The following ALDH5A1 variants were observed in gnomAD, a reference collection of about 807,000 sequenced individuals.
The protein encoded by ALDH5A1 is succinate-semialdehyde dehydrogenase, mitochondrial.
Under a neutral mutation model 54.7 loss-of-function variants are expected in ALDH5A1, and 33 were observed. The ratio of observed to expected loss-of-function variants is 0.60; its 90% CI spans 0.46 to 0.81. The LOEUF (loss-of-function observed/expected upper bound fraction) is 0.81, where lower values mean the gene tolerates loss of function less well. Among genes scored for constraint, ALDH5A1 ranks in the 30% least tolerant of loss-of-function variants. The probability of loss-of-function intolerance (pLI) is 0.00; values close to 1 mark genes in which losing one functional copy is unlikely to be tolerated. For missense variants in ALDH5A1, 657 were observed against 711.0 expected (o/e 0.92, Z 0.86); for synonymous variants, 294 against 292.7 (o/e 1.00, Z -0.05).
Position 24,497,360 on chromosome 6 carries a change from T to C in ALDH5A1, c.354+2010T>C, listed in dbSNP as rs111652406. 5.0e-3 allele frequency among the ~76,000 whole-genome samples: 742 copies of C among 147,234 alleles called. 6 individuals are homozygous for C. Among genetic ancestry groups the C allele is most frequent in the African/African-American group, 0.019 (704 of 37,010 alleles). On this transcript the variant is annotated intron_variant, in intron 1 of 9. Transcript: ENST00000357578. Reference sequence around the variant, plus strand: ...GCTGATTGGTGCATTTTACAGAGCGTTGATTGGTGTATTTTACAATCCTCT... The same window carrying C: ...GCTGATTGGTGCATTTTACAGAGCGCTGATTGGTGTATTTTACAATCCTCT...
At chr6:24,501,913 G>GT (rs1561868963) in intron 1 of ALDH5A1, among the ~76,000 whole-genome samples, 16 of 147,568 alleles carry the variant, frequency 1.1e-4, no homozygotes, top group African/African-American at 3.8e-4. Context: ...GTGTGTGTGT[G>GT]GGTGTATATA....
chr6:24,505,800 C>T (rs1197944517), intron 4 of ALDH5A1, among the ~76,000 whole-genome samples: 1 of 152,036 alleles, frequency 6.6e-6, no homozygotes, highest in East Asian at 1.9e-4. Flanking sequence ...GAAACCCTGT[C>T]TCTACTAAAA....
At chr6:24,531,167 A>C (rs1310090310) in intron 8 of ALDH5A1, among the ~76,000 whole-genome samples, 1 of 152,186 alleles carries the variant, frequency 6.6e-6, no homozygotes, top group Non-Finnish European at 1.5e-5. Flanking sequence ...CAGGACCAGA[A>C]ATCTTTCTTA....
At chr6:24,497,448 T>C (rs1581803255) in intron 1 of ALDH5A1, among the ~76,000 whole-genome samples, 4 of 148,304 alleles carry the variant, frequency 2.7e-5, no homozygotes, top group African/African-American at 7.3e-5. Context: ...CATTTTACAA[T>C]CTCCTTGGTA....
At chr6:24,528,940 G>A (rs996882906) in intron 8 of ALDH5A1, among the ~76,000 whole-genome samples, 1 of 151,956 alleles carries the variant, frequency 6.6e-6, no homozygotes, top group African/African-American at 2.4e-5. Flanking sequence ...GCCTCCCAAA[G>A]TGCTGAGATC....
intron 1 of ALDH5A1, 31 bp from the exon 2 acceptor site, chr6:24,502,492 T>G: frequency 1.3e-6 from 2 of 1,508,288 alleles, no homozygotes; most frequent in South Asian, 2.3e-5. Context: ...TGGCATTTTA[T>G]TACTTTTCTG....
chr6:24,504,734 C>T (rs1387001856), intron 3 of ALDH5A1, 135 bp from the exon 4 acceptor site: 2 of 862,724 alleles, frequency 2.3e-6, no homozygotes, highest in Non-Finnish European at 4.0e-6. Context: ...GTTCTGAGAG[C>T]TCACCTGTGC....
rs1470427219 is a variant in ALDH5A1 at position 24,509,713 on chromosome 6, C to T, written c.726+4728C>T. On this transcript the variant is annotated intron_variant, in intron 4 of 9. Transcript: ENST00000357578. The surrounding 1 kb of genome is among the most constrained non-coding windows in gnomAD (Gnocchi z 4.7). ...TGAGATTATTTGGATTTTCTCTCTTCTCTTCTAATGGTCTATCAATTTTAT... is the reference window on the plus strand; with the variant it reads ...TGAGATTATTTGGATTTTCTCTCTTTTCTTCTAATGGTCTATCAATTTTAT... Among the ~76,000 whole-genome samples the T allele has an allele frequency of 6.6e-6, 1 of 152,056 alleles. No individual in the cohort carries two copies. Among genetic ancestry groups the T allele is most frequent in the East Asian group, 1.9e-4 (1 of 5,180 alleles).
At position 24,514,955 on chromosome 6, in the gene ALDH5A1, A is replaced by T. The variant is rs182384464; in HGVS notation, c.727-212A>T. Reference sequence around the variant, plus strand: ...GTCCGGTAGAAATTTTATTGTAATGATCTTTAACAACCCATTAATATTAAC... The same window carrying T: ...GTCCGGTAGAAATTTTATTGTAATGTTCTTTAACAACCCATTAATATTAAC... On this transcript the variant is annotated intron_variant, in intron 4 of 9. Coordinates refer to ENST00000357578, the MANE Select transcript of ALDH5A1 (RefSeq NM_001080.3). Among the ~76,000 whole-genome samples the T allele has an allele frequency of 3.0e-3, 459 of 152,154 alleles. 1 individual carries two copies. The highest frequency in any genetic ancestry group is 5.2e-3 in the Non-Finnish European group (351 of 67,994).
chr6:24,530,693 T>A (rs1299994913), intron 8 of ALDH5A1, among the ~76,000 whole-genome samples: 2 of 152,204 alleles, frequency 1.3e-5, no homozygotes, highest in African/African-American at 2.4e-5. Flanking sequence ...TTCCCTCTAT[T>A]GGAATAGGTT....
chr6:24,531,862 A>T (rs1759943114), intron 8 of ALDH5A1: 1 of 528,042 alleles, frequency 1.9e-6, no homozygotes. Context: ...GATATGCCAC[A>T]GTTCCCTACA....
In ALDH5A1 at chr6:24,515,266, C is replaced by G. The variant is rs754957668; in HGVS notation, c.826C>G (p.Leu276Val). The G allele has an allele frequency of 1.2e-6, 2 of 1,614,036 alleles. No individual in the cohort carries two copies. The highest frequency in any genetic ancestry group is 2.2e-5 in the South Asian group (2 of 91,076). ...EVGEAICTDP[L>V]VSKISFTGST... ...AGGGGAGGCAATTTGTACTGATCCTCTGGTGTCCAAAATTTCCTTTACTGG... is the reference window on the plus strand; with the variant it reads ...AGGGGAGGCAATTTGTACTGATCCTGTGGTGTCCAAAATTTCCTTTACTGG... Residue 276 changes from leucine (L) to valine (V), a missense_variant, in exon 5 of 10, where the codon CTG (leucine) becomes GTG (valine). Leu to Val is a conservative substitution (Grantham distance 32, BLOSUM62 1). Transcript: ENST00000357578.
At chr6:24,495,414 T>A in intron 1 of ALDH5A1, 64 bp downstream of exon 1, 1 of 1,472,768 alleles carries the variant, frequency 6.8e-7, no homozygotes, top group Non-Finnish European at 9.1e-7. Context: ...CAGAGGGGGC[T>A]TTACCCCAAA....
In ALDH5A1 at chr6:24,495,129, CG is replaced by C; in HGVS notation, c.134del (p.Arg45ProfsTer46). On this transcript the variant is annotated frameshift_variant, in exon 1 of 10. Transcript: ENST00000357578. LOFTEE classifies it high-confidence loss of function. ...SGPAPGPAQL[R>X]CYAGRLAGLS... ...GCCTGCGCCCGGCCCGGCCCAGCTC[CG>C]CTGCTACGCTGGGCGCCTGGCGGGC... 7.2e-7 allele frequency: 1 copy of C among 1,388,482 alleles called. No homozygotes were observed. Among genetic ancestry groups the C allele is most frequent in the Non-Finnish European group, 9.3e-7 (1 of 1,079,238 alleles). 86.0% of individuals were successfully genotyped at this position (1,388,482 alleles called of 1,614,324 possible).
intron 7 of ALDH5A1, among the ~76,000 whole-genome samples, chr6:24,523,317 A>G (rs1452254035): frequency 6.6e-6 from 1 of 152,114 alleles, no homozygotes; most frequent in Non-Finnish European, 1.5e-5. Context: ...TAAAATAAGT[A>G]AAAAATTAAT....
rs963625609 is a variant in ALDH5A1 at position 24,535,098 on chromosome 6, T to G, written c.*1386T>G. 6.6e-6 allele frequency: 1 copy of G among 152,254 alleles called. No homozygotes were observed. Among genetic ancestry groups the G allele is most frequent in the Non-Finnish European group, 1.5e-5 (1 of 68,048 alleles). 9.4% of individuals were successfully genotyped at this position (152,254 alleles called of 1,614,324 possible). On this transcript the variant is annotated 3_prime_UTR_variant, in exon 10 of 10. Transcript: ENST00000357578. ...AGTAGGTGGAGACGAAGCACCTTCC[T>G]TTCCCCATCTCTGTCTGTGTAGACT...
chr6:24,499,528 A>G (rs575722914), intron 1 of ALDH5A1, among the ~76,000 whole-genome samples: 2 of 148,684 alleles, frequency 1.3e-5, no homozygotes, highest in Non-Finnish European at 3.0e-5. Flanking sequence ...GTCTTGCTCC[A>G]TTGCCTAGGC....
chr6:24,515,124 G>GAT, intron 4 of ALDH5A1, 43 bp from the exon 5 acceptor site: 1 of 823,786 alleles, frequency 1.2e-6, no homozygotes. Flanking sequence ...TTTTTTTTCA[G>GAT]TTTGGTAAAT....
At chr6:24,516,483 A>G (rs1381109203) in intron 5 of ALDH5A1, among the ~76,000 whole-genome samples, 1 of 151,026 alleles carries the variant, frequency 6.6e-6, no homozygotes, top group Non-Finnish European at 1.5e-5. Flanking sequence ...AAAATAAATA[A>G]TAAAAAAATG....
Sources: allele counts gnomAD v4.1 joint callset (sites outside exome capture counted in the v4.1 genomes callset), GRCh38; gene constraint gnomAD v4.1.1; non-coding constraint Gnocchi (gnomAD v3.1); transcripts MANE v1.5; gene names NCBI Gene and HGNC (gene_info 2026-07-23, HGNC 2026-07-21).